Variants in TMEM131 observed in about 807,000 individuals in gnomAD.
TMEM131 encodes 2610524E03Rik.
A neutral mutation model predicts 211.6 loss-of-function variants in TMEM131; 66 were observed. That is an observed-to-expected ratio of 0.31 (90% confidence interval 0.26 to 0.38). The LOEUF (loss-of-function observed/expected upper bound fraction) is 0.38. TMEM131 is among the 10% of genes least tolerant of loss of function. The pLI is 1.00. For synonymous variants in TMEM131, 844 were observed against 841.3 expected, an observed-to-expected ratio of 1.00 and a Z score of -0.06; for missense variants, 2,036 against 2,299.3, an observed-to-expected ratio of 0.89 and a Z score of 2.34.
chr2:97,951,434 A>T (rs1370963235), intron 1 of TMEM131, among the ~76,000 whole-genome samples: 1 of 152,110 alleles, frequency 6.6e-6, no homozygotes, highest in African/African-American at 2.4e-5. Flanking sequence ...GGGGTGAATA[A>T]GAGCATTTCC....
intron 1 of TMEM131, among the ~76,000 whole-genome samples, chr2:97,962,446 G>A (rs1338061982): frequency 2.0e-5 from 3 of 152,166 alleles, no homozygotes; most frequent in Non-Finnish European, 4.4e-5. Context: ...GGAGCTTGCA[G>A]TGAGCTGAGA....
intron 4 of TMEM131, among the ~76,000 whole-genome samples, chr2:97,873,437 C>A (rs1335377668): frequency 6.6e-6 from 1 of 152,202 alleles, no homozygotes; most frequent in African/African-American, 2.4e-5. Flanking sequence ...TCCCTGACCG[C>A]CGTGTATCCT....
At chr2:97,880,627 C>T (rs557120735) in intron 4 of TMEM131, among the ~76,000 whole-genome samples, 20 of 152,078 alleles carry the variant, frequency 1.3e-4, no homozygotes, top group South Asian at 2.1e-4. Context: ...ACTGTGGTAC[C>T]GTTCATGGAC....
chr2:97,965,229 C>T (rs1007779523), intron 1 of TMEM131, among the ~76,000 whole-genome samples: 6 of 152,216 alleles, frequency 3.9e-5, no homozygotes, highest in African/African-American at 1.4e-4. Flanking sequence ...TTCACAGAAA[C>T]CGCCACTGCT....
At chr2:97,798,475 T>C (rs943117781) in intron 25 of TMEM131, among the ~76,000 whole-genome samples, 1 of 152,254 alleles carries the variant, frequency 6.6e-6, no homozygotes, top group African/African-American at 2.4e-5. Flanking sequence ...TTCAGCATGA[T>C]TCCACAAACA....
At chr2:97,834,728 T>C (rs765802170) in intron 9 of TMEM131, 47 bp downstream of exon 9, 1 of 1,607,580 alleles carries the variant, frequency 6.2e-7, no homozygotes, top group Non-Finnish European at 8.5e-7. Flanking sequence ...CAGAGTAAGC[T>C]ATACTGAAAA....
At chr2:97,885,544 T>C (rs971465490) in intron 4 of TMEM131, among the ~76,000 whole-genome samples, 16 of 152,206 alleles carry the variant, frequency 1.1e-4, no homozygotes, top group Non-Finnish European at 2.1e-4. Context: ...GCAGGGTATA[T>C]AGTGTTCTTG....
intron 5 of TMEM131, among the ~76,000 whole-genome samples, chr2:97,844,880 A>T (rs1167944900): frequency 1.3e-5 from 2 of 152,134 alleles, no homozygotes; most frequent in Non-Finnish European, 2.9e-5. Flanking sequence ...GCCCTGAAAC[A>T]AAGCCTTAAA....
chr2:97,763,613 A>C (rs1486006695), intron 35 of TMEM131: 1 of 152,330 alleles, frequency 6.6e-6, no homozygotes, highest in East Asian at 1.9e-4. Flanking sequence ...TCGGCTTGCT[A>C]TTTGTACAAC....
chr2:97,811,926 C>G (rs934060013), intron 17 of TMEM131, among the ~76,000 whole-genome samples: 3 of 148,188 alleles, frequency 2.0e-5, no homozygotes, highest in African/African-American at 7.3e-5. Context: ...GTTTAGCGCT[C>G]TCTGACAACC....
chr2:97,915,803 A>G (rs1676485589), intron 2 of TMEM131, among the ~76,000 whole-genome samples: 1 of 152,188 alleles, frequency 6.6e-6, no homozygotes, highest in African/African-American at 2.4e-5. Flanking sequence ...CATTAAGTCC[A>G]TGATCCATTT....
At chr2:97,775,610 C>A (rs1679685193) in intron 32 of TMEM131, among the ~76,000 whole-genome samples, 1 of 152,190 alleles carries the variant, frequency 6.6e-6, no homozygotes, top group Non-Finnish European at 1.5e-5. Context: ...ATGCTTCCAG[C>A]TGTTCTTCCC....
chr2:97,786,056 GC>G lies in TMEM131; in HGVS notation c.4144+6329del, dbSNP rs540148199. Among the ~76,000 whole-genome samples the G allele has an allele frequency of 1.5e-3, 228 of 152,264 alleles. No homozygotes were observed. In the Middle Eastern group the frequency reaches 0.017, roughly 11 times the overall value. ...GGGAAGTGAGTGTGGCTAGAAAAGGGCCCATGAGGATTCCTGTGGGCTTGGA... is the reference window on the plus strand; with the variant it reads ...GGGAAGTGAGTGTGGCTAGAAAAGGGCCATGAGGATTCCTGTGGGCTTGGA... On this transcript the variant is annotated intron_variant, in intron 31 of 40. Transcript: ENST00000186436.
At chr2:97,913,458 C>A (rs1676375848) in intron 2 of TMEM131, among the ~76,000 whole-genome samples, 1 of 152,112 alleles carries the variant, frequency 6.6e-6, no homozygotes, top group Admixed American at 6.6e-5. Context: ...AGAAACTAAG[C>A]CTCTAAATGT....
intron 18 of TMEM131, 104 bp from the exon 19 acceptor site, chr2:97,809,878 T>A: frequency 1.2e-6 from 1 of 809,202 alleles, no homozygotes; most frequent in Non-Finnish European, 2.1e-6. Flanking sequence ...GGGACTAATA[T>A]TGACAATAAC....
In TMEM131 at chr2:97,805,634, G is replaced by T; in HGVS notation, c.2125C>A (p.Arg709=). 6.2e-7 allele frequency: 1 copy of T among 1,610,660 alleles called. No individual in the cohort carries two copies. Among genetic ancestry groups the T allele is most frequent in the Non-Finnish European group, 8.5e-7 (1 of 1,177,482 alleles). The change falls in exon 20 of 41, where the codon CGA becomes AGA. Residue 709 remains arginine (R), a synonymous_variant. Coordinates refer to ENST00000186436, the MANE Select transcript of TMEM131 (RefSeq NM_015348.2). The part of the protein sequence containing the change: ...FSQKVKIQQI[R]SLSEDVRFYY... ...AATCGCACATCTTCTGACAAAGATC[G>T]TATTTGCTGTATTTTTACCTTCTGT...
intron 1 of TMEM131, among the ~76,000 whole-genome samples, chr2:97,943,049 GAAAGAAAGA>G (rs1559464539): frequency 2.4e-4 from 13 of 53,512 alleles, no homozygotes; most frequent in South Asian, 2.1e-3. Flanking sequence ...AAGAAAGAAA[GAAAGAAAGA>G]AAGAAAGAAA....
At chr2:97,993,408 G>A (rs1422257877) in intron 1 of TMEM131, among the ~76,000 whole-genome samples, 1 of 152,124 alleles carries the variant, frequency 6.6e-6, no homozygotes, top group African/African-American at 2.4e-5. Flanking sequence ...TCACAATCAC[G>A]TAAGAAAATA....
chr2:97,945,753 T>TA (rs1246481246), intron 1 of TMEM131, among the ~76,000 whole-genome samples: 12 of 152,226 alleles, frequency 7.9e-5, no homozygotes, highest in African/African-American at 2.9e-4. Flanking sequence ...TTTTCATTCT[T>TA]AAAAATTTTC....
Sources: gnomAD v4.1 joint callset for allele counts (sites outside exome capture counted in the v4.1 genomes callset) on GRCh38, gnomAD v4.1.1 for gene constraint, MANE v1.5 for transcripts, NCBI Gene and HGNC (gene_info 2026-07-23, HGNC 2026-07-21) for gene names.